The following KHDRBS3 variants were observed in gnomAD, a reference collection of about 807,000 sequenced individuals.
The protein encoded by KHDRBS3 is KH RNA binding domain containing, signal transduction associated 3, also known as KH domain-containing, RNA-binding, signal transduction-associated protein 3.
In KHDRBS3, 23 loss-of-function variants were observed where a neutral mutation model predicts 45.6. That is an observed-to-expected ratio of 0.50 (90% confidence interval 0.36 to 0.72). KHDRBS3 has a LOEUF of 0.72. Among genes scored for constraint, KHDRBS3 ranks in the 30% least tolerant of loss-of-function variants. The pLI is 0.00. For synonymous variants in KHDRBS3, 162 were observed against 156.5 expected, an observed-to-expected ratio of 1.04 and a Z score of -0.26; for missense variants, 352 against 424.8, an observed-to-expected ratio of 0.83 and a Z score of 1.51.
At chr8:135,583,387 A>G (rs1385631346) in intron 6 of KHDRBS3, among the ~76,000 whole-genome samples, 1 of 152,230 alleles carries the variant, frequency 6.6e-6, no homozygotes, top group Non-Finnish European at 1.5e-5. Flanking sequence ...ATCTTACCAG[A>G]TGACAATAAT....
In KHDRBS3 at chr8:135,644,688, G is replaced by A. The variant is rs75825452; in HGVS notation, c.891-371G>A. Reference sequence around the variant, plus strand: ...TGCACAGGCCCAGCCCTAGCTCTTGGCACACTGGGCTAGAATTGTCCACAC... The same window carrying A: ...TGCACAGGCCCAGCCCTAGCTCTTGACACACTGGGCTAGAATTGTCCACAC... On this transcript the variant is annotated intron_variant, in intron 7 of 8. Transcript: ENST00000355849. 2.6e-3 allele frequency among the ~76,000 whole-genome samples: 393 copies of A among 152,290 alleles called. 1 individual carries two copies. The highest frequency in any genetic ancestry group is 4.1e-3 in the Non-Finnish European group (281 of 68,018).
chr8:135,524,152 AT>A (rs1381500160), intron 2 of KHDRBS3, among the ~76,000 whole-genome samples: 1 of 152,022 alleles, frequency 6.6e-6, no homozygotes, highest in Admixed American at 6.6e-5. Flanking sequence ...AGTAGCTGGG[AT>A]TACAGACATG....
intron 1 of KHDRBS3, among the ~76,000 whole-genome samples, chr8:135,485,499 A>C (rs1254076971): frequency 2.0e-5 from 3 of 152,122 alleles, no homozygotes; most frequent in African/African-American, 7.2e-5. Flanking sequence ...ATGTTGTCAC[A>C]TCAGATCATT....
At chr8:135,500,278 A>G (rs1331842113) in intron 1 of KHDRBS3, among the ~76,000 whole-genome samples, 1 of 151,740 alleles carries the variant, frequency 6.6e-6, no homozygotes, top group African/African-American at 2.4e-5. Flanking sequence ...TTTTGTAACT[A>G]AAGTGGTTAG....
intron 1 of KHDRBS3, among the ~76,000 whole-genome samples, chr8:135,476,890 G>A (rs556614208): frequency 6.6e-6 from 1 of 152,288 alleles, no homozygotes; most frequent in South Asian, 2.1e-4. Flanking sequence ...TATTTGCCAA[G>A]TGAATTTTAC....
chr8:135,631,334 GT>G (rs1830594860), intron 7 of KHDRBS3, among the ~76,000 whole-genome samples: 1 of 148,996 alleles, frequency 6.7e-6, no homozygotes, highest in African/African-American at 2.5e-5. Flanking sequence ...ATAAACTTTA[GT>G]TTTTTAACTT....
intron 1 of KHDRBS3, among the ~76,000 whole-genome samples, chr8:135,512,432 G>GGA (rs985614191): frequency 1.5e-5 from 2 of 137,006 alleles, no homozygotes; most frequent in Non-Finnish European, 3.1e-5. Flanking sequence ...GAAAAGTCGG[G>GGA]GGGGGGGTAA....
chr8:135,505,928 A>G (rs1422311165), intron 1 of KHDRBS3, among the ~76,000 whole-genome samples: 1 of 152,152 alleles, frequency 6.6e-6, no homozygotes, highest in African/African-American at 2.4e-5. Context: ...CAAGTCCCCT[A>G]CCTCACATTC....
intron 1 of KHDRBS3, among the ~76,000 whole-genome samples, chr8:135,495,850 T>C (rs2317270): frequency 0.8 from 121,597 of 151,966 alleles, 49,179 homozygotes; most frequent in East Asian, 0.96. Flanking sequence ...TTGGCCTCTC[T>C]GGAGGTAATT....
At chr8:135,623,212 C>T (rs1248761800) in intron 7 of KHDRBS3, among the ~76,000 whole-genome samples, 5 of 152,134 alleles carry the variant, frequency 3.3e-5, no homozygotes, top group Non-Finnish European at 2.9e-5. Context: ...AAAAAATAAG[C>T]GATAAGGATC....
chr8:135,559,249 A>G (rs985216268), intron 5 of KHDRBS3, among the ~76,000 whole-genome samples: 5 of 151,610 alleles, frequency 3.3e-5, no homozygotes, highest in African/African-American at 4.9e-5. Flanking sequence ...TTAGGACAGC[A>G]TAATTTTGAG....
chr8:135,476,345 T>C (rs529402486), intron 1 of KHDRBS3, among the ~76,000 whole-genome samples: 4 of 152,216 alleles, frequency 2.6e-5, no homozygotes, highest in African/African-American at 9.6e-5. Context: ...GGTTTCACCA[T>C]ATTGGTCAAG....
chr8:135,508,653 C>T (rs1824125922), intron 1 of KHDRBS3, among the ~76,000 whole-genome samples: 1 of 152,168 alleles, frequency 6.6e-6, no homozygotes, highest in African/African-American at 2.4e-5. Flanking sequence ...CCCATCCCCT[C>T]CTTCCCAAAG....
chr8:135,557,963 G>A (rs187452147), intron 5 of KHDRBS3, among the ~76,000 whole-genome samples: 43 of 152,042 alleles, frequency 2.8e-4, no homozygotes, highest in African/African-American at 9.2e-4. Flanking sequence ...GATGATTCTA[G>A]GTGAATATTA....
At chr8:135,629,245 G>A (rs1830495186) in intron 7 of KHDRBS3, among the ~76,000 whole-genome samples, 2 of 152,214 alleles carry the variant, frequency 1.3e-5, no homozygotes, top group African/African-American at 4.8e-5. Flanking sequence ...TGCAAACTTA[G>A]TTACAATAGG....
chr8:135,607,376 C>G (rs184818807), intron 7 of KHDRBS3, among the ~76,000 whole-genome samples: 244 of 152,256 alleles, frequency 1.6e-3, no homozygotes, highest in Middle Eastern at 3.4e-3. Flanking sequence ...GTGTAAGTAT[C>G]CTACATTGTC....
At chr8:135,469,818 C>T (rs112239761) in intron 1 of KHDRBS3, among the ~76,000 whole-genome samples, 16 of 152,288 alleles carry the variant, frequency 1.1e-4, no homozygotes, top group Middle Eastern at 3.4e-3. Context: ...TGAGCCACCG[C>T]GCCCGGCCAG....
chr8:135,563,423 G>T (rs1459804815), intron 5 of KHDRBS3, among the ~76,000 whole-genome samples: 2 of 152,184 alleles, frequency 1.3e-5, no homozygotes, highest in East Asian at 3.9e-4. Flanking sequence ...AGAAGCCCTT[G>T]CCGAGCACGC....
At chr8:135,509,019 A>T (rs575277389) in intron 1 of KHDRBS3, among the ~76,000 whole-genome samples, 1 of 152,346 alleles carries the variant, frequency 6.6e-6, no homozygotes, top group African/African-American at 2.4e-5. Context: ...ATAAATCTGT[A>T]GGTGAACCTC....
Sources: gnomAD v4.1 joint callset for allele counts (sites outside exome capture counted in the v4.1 genomes callset) on GRCh38, gnomAD v4.1.1 for gene constraint, MANE v1.5 for transcripts, NCBI Gene and HGNC (gene_info 2026-07-23, HGNC 2026-07-21) for gene names.